Variants in PDS5B observed in about 807,000 individuals in gnomAD.
The protein encoded by PDS5B is PDS5 cohesin associated factor B.
Under a neutral mutation model 184.1 loss-of-function variants are expected in PDS5B, and 51 were observed. The observed-to-expected ratio is 0.28, with a 90% CI of 0.22 to 0.35. The LOEUF is 0.35. PDS5B is among the 10% of genes least tolerant of loss of function. The pLI is 1.00. For synonymous variants in PDS5B, 566 were observed against 569.2 expected, an observed-to-expected ratio of 0.99 and a Z score of 0.08; for missense variants, 1,180 against 1,723.3, an observed-to-expected ratio of 0.68 and a Z score of 5.58.
At chr13:32,755,351 C>T (rs1182196467) in intron 25 of PDS5B, among the ~76,000 whole-genome samples, 1 of 151,982 alleles carries the variant, frequency 6.6e-6, no homozygotes, top group African/African-American at 2.4e-5. Context: ...AAGTCTGTTC[C>T]TTTATTCTGT....
At chr13:32,593,640 C>G (rs923285931) in intron 1 of PDS5B, among the ~76,000 whole-genome samples, 8 of 152,276 alleles carry the variant, frequency 5.3e-5, no homozygotes, top group Non-Finnish European at 1.2e-4. Flanking sequence ...TACGCCTGGC[C>G]TCCATTCTGT....
At chr13:32,593,497 C>G (rs765458485) in intron 1 of PDS5B, among the ~76,000 whole-genome samples, 2 of 152,164 alleles carry the variant, frequency 1.3e-5, no homozygotes, top group African/African-American at 2.4e-5. Flanking sequence ...CCTGCCACCA[C>G]GCCCGGCTAA....
At chr13:32,638,139 T>A (rs1566271024) in intron 1 of PDS5B, among the ~76,000 whole-genome samples, 1 of 152,192 alleles carries the variant, frequency 6.6e-6, no homozygotes, top group Non-Finnish European at 1.5e-5. Flanking sequence ...TCCACTGGGA[T>A]AGCTTGGACT....
At chr13:32,739,298 T>A (rs116546793) in intron 21 of PDS5B, among the ~76,000 whole-genome samples, 1 of 152,162 alleles carries the variant, frequency 6.6e-6, no homozygotes, top group Non-Finnish European at 1.5e-5. Flanking sequence ...TCATGTCTCC[T>A]ATAGAGCCTC....
intron 16 of PDS5B, chr13:32,700,921 C>G (rs1951844495): frequency 6.4e-6 from 1 of 157,292 alleles, no homozygotes; most frequent in Admixed American, 6.1e-5. Context: ...GAGTTAAATA[C>G]AGGAATCTAT....
At chr13:32,679,909 G>GTGTGTGTGTGTC (rs148914027) in intron 10 of PDS5B, among the ~76,000 whole-genome samples, 1,889 of 149,454 alleles carry the variant, frequency 0.013, 14 homozygotes, top group East Asian at 0.032. Context: ...GTGTGTGTGT[G>GTGTGTGTGTGTC]TGTGTGTCTG....
At chr13:32,636,448 A>G (rs1035067056) in intron 1 of PDS5B, among the ~76,000 whole-genome samples, 4 of 152,186 alleles carry the variant, frequency 2.6e-5, no homozygotes, top group African/African-American at 9.7e-5. Context: ...CTTTTTTCAT[A>G]TGGAAGTGTT....
At chr13:32,669,818 G>A (rs1354725358) in intron 7 of PDS5B, among the ~76,000 whole-genome samples, 3 of 152,104 alleles carry the variant, frequency 2.0e-5, no homozygotes, top group East Asian at 3.8e-4. Flanking sequence ...TGCCTTATTT[G>A]AAGGTTAGCT....
At chr13:32,695,523 C>G (rs1374987847) in intron 14 of PDS5B, among the ~76,000 whole-genome samples, 1 of 151,894 alleles carries the variant, frequency 6.6e-6, no homozygotes, top group Non-Finnish European at 1.5e-5. Flanking sequence ...TATTTACCTC[C>G]TTCTGGCCAG....
At chr13:32,662,964 CAT>C (rs1359279306) in intron 6 of PDS5B, among the ~76,000 whole-genome samples, 3 of 152,168 alleles carry the variant, frequency 2.0e-5, no homozygotes, top group Non-Finnish European at 2.9e-5. Context: ...TTTATGCTAA[CAT>C]ATTTGAAATT....
intron 1 of PDS5B, among the ~76,000 whole-genome samples, chr13:32,638,979 G>T (rs947593453): frequency 6.6e-6 from 1 of 152,042 alleles, no homozygotes; most frequent in Non-Finnish European, 1.5e-5. Context: ...CGGGGGCGGC[G>T]TTGTACAAGA....
At chr13:32,682,802 A>T (rs1951281825) in intron 10 of PDS5B, among the ~76,000 whole-genome samples, 1 of 152,122 alleles carries the variant, frequency 6.6e-6, no homozygotes, top group Admixed American at 6.5e-5. Context: ...TTTGTTTTTA[A>T]CCATTCTTAT....
chr13:32,602,736 C>A (rs2057996954), intron 1 of PDS5B, among the ~76,000 whole-genome samples: 1 of 152,204 alleles, frequency 6.6e-6, no homozygotes, highest in Admixed American at 6.5e-5. Flanking sequence ...GTTCCTATTT[C>A]TCCACATCCT....
intron 19 of PDS5B, among the ~76,000 whole-genome samples, chr13:32,716,302 T>C (rs1952404889): frequency 6.6e-6 from 1 of 151,140 alleles, no homozygotes; most frequent in Non-Finnish European, 1.5e-5. Context: ...GGGGAGCGCC[T>C]CTGCCCTGCC....
chr13:32,710,346 C>A (rs1307998766), intron 19 of PDS5B, among the ~76,000 whole-genome samples: 1 of 152,016 alleles, frequency 6.6e-6, no homozygotes, highest in Middle Eastern at 3.2e-3. Context: ...TAGATAGTCC[C>A]TGGTATATTA....
rs1457236129 is a variant in PDS5B, at chr13:32,775,083, AGCTTTGGAAAAAT to A, written c.*32_*44del. 1 of 1,341,340 alleles carries A rather than the reference AGCTTTGGAAAAAT, an allele frequency of 7.5e-7. No individual in the cohort carries two copies. The highest frequency in any genetic ancestry group is 2.0e-4 in the Middle Eastern group (1 of 5,068). 83.1% of individuals were successfully genotyped at this position (1,341,340 alleles called of 1,614,324 possible). ...TGTAATTAATAACTTTCTCTGTGAA[AGCTTTGGAAAAAT>A]CTTTTTTTTTTTTTTTGGTCAAGCT... On this transcript the variant is annotated 3_prime_UTR_variant, in exon 35 of 35. Coordinates refer to ENST00000315596, the MANE Select transcript of PDS5B (RefSeq NM_015032.4).
Position 32,775,967 on chromosome 13 carries a change from A to G in PDS5B, c.*915A>G, listed in dbSNP as rs1954945815. 5.2e-6 allele frequency: 1 copy of G among 193,408 alleles called. No individual in the cohort carries two copies. Among genetic ancestry groups the G allele is most frequent in the Non-Finnish European group, 1.1e-5 (1 of 92,688 alleles). The allele number at this position is 193,408 out of a possible 1,614,324, so 12.0% of individuals were successfully genotyped here. ...ATTTCCTCTTGAACGTTATGTTCAG[A>G]AAATGCAAATTACACTATAATATAA... On this transcript the variant is annotated 3_prime_UTR_variant, in exon 35 of 35. Transcript: ENST00000315596.
chr13:32,638,124 A>G (rs756420102), intron 1 of PDS5B, among the ~76,000 whole-genome samples: 5 of 152,106 alleles, frequency 3.3e-5, no homozygotes, highest in Non-Finnish European at 5.9e-5. Flanking sequence ...TATACATTCT[A>G]ATTTTCCACT....
At chr13:32,635,629 A>G (rs940532792) in intron 1 of PDS5B, among the ~76,000 whole-genome samples, 19 of 151,956 alleles carry the variant, frequency 1.3e-4, no homozygotes, top group Non-Finnish European at 2.2e-4. Flanking sequence ...GGCGTGAGCC[A>G]CTGTGCCTGG....
Sources: gnomAD v4.1 joint callset for allele counts (sites outside exome capture counted in the v4.1 genomes callset) on GRCh38, gnomAD v4.1.1 for gene constraint, MANE v1.5 for transcripts, NCBI Gene and HGNC (gene_info 2026-07-23, HGNC 2026-07-21) for gene names.